The following CNST variants were observed in gnomAD, a reference collection of about 807,000 sequenced individuals.
CNST encodes consortin.
CNST carries 39 observed loss-of-function variants against 72.4 expected under a neutral mutation model. The observed-to-expected ratio is 0.54, with a 90% confidence interval of 0.42 to 0.70. The LOEUF is 0.70. Ranked by LOEUF, CNST falls within the 30% of genes least tolerant of loss-of-function variation. The pLI is 0.00. For synonymous variants in CNST, 332 were observed against 320.1 expected (o/e 1.04, Z -0.40); for missense variants, 871 against 868.5 (o/e 1.00, Z -0.04).
chr1:246,616,914 A>C (rs950299331), intron 2 of CNST, among the ~76,000 whole-genome samples: 15 of 151,896 alleles, frequency 9.9e-5, no homozygotes, highest in African/African-American at 3.6e-4. Flanking sequence ...GTAATAATAA[A>C]AATTTTTTGA....
intron 8 of CNST, among the ~76,000 whole-genome samples, chr1:246,643,579 G>A (rs1388690366): frequency 6.6e-6 from 1 of 152,218 alleles, no homozygotes; most frequent in Non-Finnish European, 1.5e-5. Context: ...TCAGTCACTT[G>A]CTTGGTGCTT....
At chr1:246,626,825 A>G (rs1391067437) in intron 3 of CNST, among the ~76,000 whole-genome samples, 1 of 152,054 alleles carries the variant, frequency 6.6e-6, no homozygotes, top group Non-Finnish European at 1.5e-5. Flanking sequence ...GGGCATTTCA[A>G]ACTTAAGATG....
At chr1:246,605,410 G>C (rs1462798732) in intron 2 of CNST, among the ~76,000 whole-genome samples, 1 of 152,244 alleles carries the variant, frequency 6.6e-6, no homozygotes. Flanking sequence ...GCTCACGCCT[G>C]CAAGGCTCTA....
At chr1:246,577,153 A>G (rs1158855199) in intron 1 of CNST, among the ~76,000 whole-genome samples, 10 of 152,084 alleles carry the variant, frequency 6.6e-5, no homozygotes, top group Non-Finnish European at 1.0e-4. Flanking sequence ...CATGTGCTAA[A>G]GGAATTATTC....
At chr1:246,663,336 TAA>T (rs768843517) in intron 10 of CNST, among the ~76,000 whole-genome samples, 55 of 116,364 alleles carry the variant, frequency 4.7e-4, no homozygotes, top group Admixed American at 3.6e-4. Context: ...ACCCTATGTC[TAA>T]AAAAAAAAAA....
At chr1:246,623,094 A>G (rs898269353) in intron 3 of CNST, among the ~76,000 whole-genome samples, 21 of 152,342 alleles carry the variant, frequency 1.4e-4, no homozygotes, top group Non-Finnish European at 1.5e-5. Context: ...AAGTGCTAGG[A>G]TTAACAGGCG....
At chr1:246,655,838 A>C (rs1045755371) in intron 9 of CNST, among the ~76,000 whole-genome samples, 1 of 152,200 alleles carries the variant, frequency 6.6e-6, no homozygotes, top group African/African-American at 2.4e-5. Context: ...TGGGGCTGAT[A>C]AGGCTTCTAA....
At chr1:246,598,042 G>A (rs766077947) in intron 2 of CNST, among the ~76,000 whole-genome samples, 2 of 152,048 alleles carry the variant, frequency 1.3e-5, no homozygotes, top group Non-Finnish European at 2.9e-5. Flanking sequence ...GTGCAGTGGC[G>A]TGCTCGTGGC....
intron 1 of CNST, among the ~76,000 whole-genome samples, chr1:246,585,837 T>C (rs982262596): frequency 6.6e-6 from 1 of 151,942 alleles, no homozygotes; most frequent in Non-Finnish European, 1.5e-5. Flanking sequence ...CCTGGCACTT[T>C]GGGAGGCTGA....
In CNST at chr1:246,665,955, C is replaced by CT; in HGVS notation, c.*53dup. The CT allele has an allele frequency of 4.5e-6, 6 of 1,330,606 alleles. No individual in the cohort carries two copies. The highest frequency in any genetic ancestry group is 5.3e-6 in the Non-Finnish European group (5 of 938,596). The allele number at this position is 1,330,606 out of a possible 1,614,324, so 82.4% of individuals were successfully genotyped here. ...GGCAGTGAGAGTGAAAGGCGGGAGA[C>CT]TTTCTAAACAGTTTTTCTTTCAGGA... On this transcript the variant is annotated 3_prime_UTR_variant, in exon 11 of 11. Transcript: ENST00000366513.
intron 1 of CNST, among the ~76,000 whole-genome samples, chr1:246,583,590 T>C (rs1660938547): frequency 6.6e-6 from 1 of 152,222 alleles, no homozygotes; most frequent in Admixed American, 6.5e-5. Flanking sequence ...AGTATGTGGA[T>C]CTTGTTTGTT....
intron 10 of CNST, 23 bp downstream of exon 10, chr1:246,660,357 T>C: frequency 1.9e-6 from 3 of 1,604,324 alleles, no homozygotes; most frequent in Non-Finnish European, 2.5e-6. Flanking sequence ...GCACTGTGGC[T>C]AGCAGGATAG....
intron 1 of CNST, among the ~76,000 whole-genome samples, chr1:246,583,852 G>A (rs1350215620): frequency 1.3e-5 from 2 of 152,134 alleles, no homozygotes; most frequent in Non-Finnish European, 2.9e-5. Flanking sequence ...CCATTCAAAG[G>A]GCAACATTAT....
At chr1:246,648,835 CA>C (rs1666284413) in intron 9 of CNST, among the ~76,000 whole-genome samples, 1 of 152,104 alleles carries the variant, frequency 6.6e-6, no homozygotes, top group South Asian at 2.1e-4. Flanking sequence ...TTTTAAGTCC[CA>C]TTTGTACTCA....
Position 246,660,323 on chromosome 1 carries a change from G to C in CNST, c.1961G>C (p.Ser654Thr), listed in dbSNP as rs772814273. 7 of 1,613,572 alleles carry C rather than the reference G, an allele frequency of 4.3e-6. No homozygotes were observed. Among genetic ancestry groups the C allele is most frequent in the Non-Finnish European group, 5.9e-6 (7 of 1,179,894 alleles). ...RRVRFQEIDDSLDQDEVGGGS... is the reference protein window; with the variant it reads ...RRVRFQEIDDTLDQDEVGGGS... ...GTGAGATTCCAAGAAATAGACGATA[G>C]CTTGGATCAAGGTAAACCGCTTGGC... The change falls in exon 10 of 11, where the codon AGC becomes ACC. Residue 654 changes from serine (S) to threonine (T), a missense_variant. Physicochemically the swap from Ser to Thr is moderately conservative, Grantham distance 58. Coordinates refer to ENST00000366513, the MANE Select transcript of CNST (RefSeq NM_152609.3).
At chr1:246,647,092 A>G in intron 8 of CNST, 47 bp from the exon 9 acceptor site, 1 of 1,529,032 alleles carries the variant, frequency 6.5e-7, no homozygotes, top group Non-Finnish European at 8.9e-7. Flanking sequence ...CTTCCTATAC[A>G]AAGTGTTGTT....
chr1:246,577,010 A>C (rs1660480032), intron 1 of CNST, among the ~76,000 whole-genome samples: 1 of 151,986 alleles, frequency 6.6e-6, no homozygotes, highest in African/African-American at 2.4e-5. Context: ...TTTTTTAAAA[A>C]TTGGATTAGG....
chr1:246,594,700 C>A (rs1243533815), intron 2 of CNST, among the ~76,000 whole-genome samples: 1 of 152,104 alleles, frequency 6.6e-6, no homozygotes, highest in Non-Finnish European at 1.5e-5. Flanking sequence ...GCCTGGGAGG[C>A]GGAGGTTGCA....
intron 4 of CNST, among the ~76,000 whole-genome samples, chr1:246,633,089 G>A (rs1050486809): frequency 1.8e-4 from 28 of 152,270 alleles, no homozygotes; most frequent in Middle Eastern, 3.4e-3. Flanking sequence ...TCTGTTTGCC[G>A]ATAGTGTGGA....
Sources: allele counts gnomAD v4.1 joint callset (sites outside exome capture counted in the v4.1 genomes callset), GRCh38; gene constraint gnomAD v4.1.1; transcripts MANE v1.5; gene names NCBI Gene and HGNC (gene_info 2026-07-23, HGNC 2026-07-21).